PKD2: variants seen among roughly 807,000 people sequenced by gnomAD.
PKD2 encodes the protein polycystin 2, transient receptor potential cation channel, also known as polycystin-2.
PKD2 carries 48 observed loss-of-function variants against 105.9 expected under a neutral mutation model. The ratio of observed to expected loss-of-function variants is 0.45; its 90% CI spans 0.36 to 0.58. The LOEUF (loss-of-function observed/expected upper bound fraction) is 0.58, where lower values mean the gene tolerates loss of function less well. Ranked by LOEUF, PKD2 falls within the 20% of genes least tolerant of loss-of-function variation. The pLI, the probability that PKD2 is intolerant of heterozygous loss-of-function variation, is 0.00. For synonymous variants in PKD2, 464 were observed against 481.1 expected (o/e 0.96, Z 0.46); for missense variants, 1,078 against 1,255.3 (o/e 0.86, Z 2.13).
intron 9 of PKD2, among the ~76,000 whole-genome samples, chr4:88,061,081 C>T (rs761116432): frequency 2.0e-5 from 3 of 152,108 alleles, no homozygotes; most frequent in Non-Finnish European, 4.4e-5. Flanking sequence ...CTGCTGTATT[C>T]CTATTTGCAA....
chr4:88,045,957 A>G (rs1727750607), intron 5 of PKD2, among the ~76,000 whole-genome samples: 1 of 152,108 alleles, frequency 6.6e-6, no homozygotes, highest in Admixed American at 6.6e-5. Flanking sequence ...ATATTTCTTT[A>G]TATTCTTCAT....
chr4:88,041,703 A>C (rs1478224189), intron 4 of PKD2, among the ~76,000 whole-genome samples: 1 of 152,220 alleles, frequency 6.6e-6, no homozygotes, highest in African/African-American at 2.4e-5. Context: ...GAAGGAAAGC[A>C]GGTGTTGAGT....
At chr4:88,049,651 C>G (rs114657048) in intron 6 of PKD2, among the ~76,000 whole-genome samples, 1 of 152,190 alleles carries the variant, frequency 6.6e-6, no homozygotes, top group African/African-American at 2.4e-5. Context: ...CTGTGCTCCA[C>G]TGGACCTTCA....
At chr4:88,070,599 TATAGAGAGAG>T (rs1320297201) in intron 13 of PKD2, among the ~76,000 whole-genome samples, 53 of 98,266 alleles carry the variant, frequency 5.4e-4, no homozygotes, top group Non-Finnish European at 8.4e-4. Flanking sequence ...TATATATATA[TATAGAGAGAG>T]AGAGAGAGAG....
intron 2 of PKD2, among the ~76,000 whole-genome samples, chr4:88,026,707 C>T (rs767955478): frequency 2.6e-5 from 4 of 152,220 alleles, no homozygotes; most frequent in Non-Finnish European, 5.9e-5. Context: ...GGCAGACCCT[C>T]ACAACACAAG....
intron 9 of PKD2, among the ~76,000 whole-genome samples, chr4:88,058,762 A>AT (rs1720454276): frequency 6.6e-6 from 1 of 152,152 alleles, no homozygotes; most frequent in Non-Finnish European, 1.5e-5. Context: ...TTCAAAAATA[A>AT]TTTTTTTATT....
intron 12 of PKD2, 68 bp from the exon 13 acceptor site, chr4:88,067,830 A>C: frequency 7.1e-7 from 1 of 1,414,842 alleles, no homozygotes; most frequent in Non-Finnish European, 9.9e-7. Context: ...TGCTTGCCCA[A>C]GTCCTTGGTG....
At chr4:88,044,914 TACTC>T (rs1399534451) in intron 5 of PKD2, among the ~76,000 whole-genome samples, 1 of 151,948 alleles carries the variant, frequency 6.6e-6, no homozygotes, top group Non-Finnish European at 1.5e-5. Context: ...AGAAAAGAAA[TACTC>T]AACCAGTAGT....
intron 2 of PKD2, among the ~76,000 whole-genome samples, chr4:88,035,005 A>G (rs1462845782): frequency 6.6e-6 from 1 of 152,208 alleles, no homozygotes. Context: ...AAGAGCCACC[A>G]TTATTGAACA....
intron 6 of PKD2, among the ~76,000 whole-genome samples, chr4:88,048,325 T>C (rs1727851087): frequency 6.6e-6 from 1 of 152,152 alleles, no homozygotes; most frequent in Non-Finnish European, 1.5e-5. Flanking sequence ...AGTATTTAGA[T>C]CAAGTCATTA....
chr4:88,061,509 G>A lies in PKD2; in HGVS notation c.2020-397G>A, dbSNP rs191971078. Among the ~76,000 whole-genome samples, 141 of 152,168 alleles carry A rather than the reference G, an allele frequency of 9.3e-4. 2 individuals carry two copies. The highest frequency in any genetic ancestry group is 3.2e-3 in the African/African-American group (133 of 41,522). ...TCCCAGCACTTTGGGAAGCCGAGGC[G>A]GGCAGATCACTTGAGGCCAGGAGTT... is the stretch of plus-strand genomic sequence containing the variant. On this transcript the variant is annotated intron_variant, in intron 9 of 14. Coordinates refer to ENST00000237596, the MANE Select transcript of PKD2 (RefSeq NM_000297.4).
chr4:88,047,244 G>T (rs1384924945), intron 6 of PKD2, among the ~76,000 whole-genome samples: 4 of 151,704 alleles, frequency 2.6e-5, no homozygotes. Flanking sequence ...TCCTGCACAT[G>T]TGTGAAGTTA....
chr4:88,054,949 C>T (rs1314667627), intron 7 of PKD2, among the ~76,000 whole-genome samples: 9 of 152,100 alleles, frequency 5.9e-5, no homozygotes, highest in Admixed American at 4.6e-4. Flanking sequence ...CCACCACGCC[C>T]GGCCTCATGA....
intron 13 of PKD2, among the ~76,000 whole-genome samples, chr4:88,071,973 G>GTTTT (rs1210540009): frequency 7.3e-6 from 1 of 136,122 alleles, no homozygotes; most frequent in African/African-American, 2.8e-5. Flanking sequence ...TTAGAGGCCA[G>GTTTT]TCTTTTTTTT....
rs142580445 is a variant in PKD2 at position 88,052,175 on chromosome 4, A to C, written c.1716+17A>C. On this transcript the variant is annotated intron_variant, in intron 7 of 14. Coordinates refer to ENST00000237596, the MANE Select transcript of PKD2 (RefSeq NM_000297.4). The stretch of plus-strand genomic sequence containing the variant: ...TGGATTAAGGTAATTTATAAATTTC[A>C]TGTTCTACATTTTAAATAATATTTT... 7.0e-7 allele frequency: 1 copy of C among 1,429,502 alleles called. No individual in the cohort carries two copies. Among genetic ancestry groups the C allele is most frequent in the Admixed American group, 1.7e-5 (1 of 59,066 alleles). The allele number at this position is 1,429,502 out of a possible 1,614,324, so 88.6% of individuals were successfully genotyped here.
In PKD2 at chr4:88,076,179, C is replaced by T. The variant is rs1000775229; in HGVS notation, c.*485C>T. ...TTAAGAAAGGAGCCTTTTTTTTCAA[C>T]TAGCTTCCTGGGGTAAACTTTTCTA... is the stretch of plus-strand genomic sequence containing the variant. On this transcript the variant is annotated 3_prime_UTR_variant, in exon 15 of 15. Coordinates refer to ENST00000237596, the MANE Select transcript of PKD2 (RefSeq NM_000297.4). The T allele has an allele frequency of 1.3e-5, 2 of 159,622 alleles. No individual in the cohort carries two copies. Among genetic ancestry groups the T allele is most frequent in the African/African-American group, 4.8e-5 (2 of 41,386 alleles). 9.9% of individuals were successfully genotyped at this position (159,622 alleles called of 1,614,324 possible).
Position 88,076,080 on chromosome 4 carries a change from C to G in PKD2, c.*386C>G. On this transcript the variant is annotated 3_prime_UTR_variant, in exon 15 of 15. Transcript: ENST00000237596. Reference sequence around the variant, plus strand: ...CAAAAATCAGTATTGTTATTTTTTTCCAAGAGTGTGAAGGAAAATGGGGCA... The same window carrying G: ...CAAAAATCAGTATTGTTATTTTTTTGCAAGAGTGTGAAGGAAAATGGGGCA... 4.4e-6 allele frequency: 1 copy of G among 227,998 alleles called. No individual in the cohort carries two copies. The highest frequency in any genetic ancestry group is 6.1e-5 in the South Asian group (1 of 16,364). 14.1% of individuals were successfully genotyped at this position (227,998 alleles called of 1,614,324 possible). A position where few individuals can be genotyped will look rare whatever the true frequency, so the allele number is the denominator to read the frequency against.
intron 6 of PKD2, among the ~76,000 whole-genome samples, chr4:88,047,709 A>G (rs1282572211): frequency 6.6e-6 from 1 of 152,246 alleles, no homozygotes; most frequent in African/African-American, 2.4e-5. Flanking sequence ...ATAAGAAATC[A>G]AAGGCAGGCC....
Position 88,067,965 on chromosome 4 carries a change from T to C in PKD2, c.2426T>C (p.Leu809Pro). The stretch of plus-strand genomic sequence containing the variant: ...AGCAGCCGAAGTTTCCCTCGAAGCC[T>C]GGATGACTCTGAGGAGGATGACGAT... Reference protein sequence around the residue: ...PMSSRSFPRSLDDSEEDDDED... With the variant: ...PMSSRSFPRSPDDSEEDDDED... The change falls in exon 13 of 15, where the codon CTG becomes CCG. Residue 809 changes from leucine (L) to proline (P), a missense_variant. Leu to Pro is a moderately conservative substitution (Grantham distance 98). Transcript: ENST00000237596. The C allele has an allele frequency of 6.2e-7, 1 of 1,613,850 alleles. No homozygotes were observed. The highest frequency in any genetic ancestry group is 8.5e-7 in the Non-Finnish European group (1 of 1,179,734).
Sources: allele counts gnomAD v4.1 joint callset (sites outside exome capture counted in the v4.1 genomes callset), GRCh38; gene constraint gnomAD v4.1.1; transcripts MANE v1.5; gene names NCBI Gene and HGNC (gene_info 2026-07-23, HGNC 2026-07-21).